MYOM2: variants seen among roughly 807,000 people sequenced by gnomAD.
The protein encoded by MYOM2 is myomesin-2.
MYOM2 carries 254 observed loss-of-function variants against 187.6 expected under a neutral mutation model. The ratio of observed to expected loss-of-function variants is 1.35; its 90% CI spans 1.22 to 1.50. The LOEUF is 1.50. Ranked by LOEUF, MYOM2 falls within the 40% of genes most tolerant of loss-of-function variation. The pLI, the probability that MYOM2 is intolerant of heterozygous loss-of-function variation, is 0.00. For missense variants in MYOM2, 2,796 were observed against 1,924.0 expected (o/e 1.45, Z -8.48); for synonymous variants, 981 against 753.8 (o/e 1.30, Z -4.94).
intron 4 of MYOM2, 22 bp downstream of exon 4, chr8:2,057,508 T>A (rs1477657892): frequency 1.2e-6 from 2 of 1,613,694 alleles, no homozygotes; most frequent in Non-Finnish European, 1.7e-6. Flanking sequence ...TCAGGGTGGC[T>A]GGGTGTCTGG....
At chr8:2,141,476 A>G (rs1443576845) in intron 34 of MYOM2, among the ~76,000 whole-genome samples, 1 of 152,242 alleles carries the variant, frequency 6.6e-6, no homozygotes, top group Non-Finnish European at 1.5e-5. Flanking sequence ...ACAGTCAAAG[A>G]CAGGTTTATT....
At chr8:2,103,159 C>T (rs536000007) in intron 21 of MYOM2, among the ~76,000 whole-genome samples, 37 of 140,776 alleles carry the variant, frequency 2.6e-4, no homozygotes, top group South Asian at 9.1e-4. Flanking sequence ...TGGGAGATTG[C>T]GCATGTATTG....
chr8:2,124,067 C>T (rs1797549963), intron 30 of MYOM2, 112 bp from the exon 31 acceptor site: 1 of 1,064,102 alleles, frequency 9.4e-7, no homozygotes, highest in Non-Finnish European at 1.4e-6. Flanking sequence ...TTTAATGATT[C>T]ATTTTTCAAC....
chr8:2,086,835 C>G (rs983407963), intron 14 of MYOM2, among the ~76,000 whole-genome samples: 2 of 152,188 alleles, frequency 1.3e-5, no homozygotes, highest in East Asian at 3.9e-4. Flanking sequence ...TCCTCGATGG[C>G]CATGCTTGTG....
At chr8:2,111,204 A>G (rs527377727) in intron 25 of MYOM2, among the ~76,000 whole-genome samples, 1 of 152,312 alleles carries the variant, frequency 6.6e-6, no homozygotes, top group South Asian at 2.1e-4. Flanking sequence ...ATATGGTTGT[A>G]CTATTTCACT....
intron 10 of MYOM2, among the ~76,000 whole-genome samples, chr8:2,075,262 T>G (rs1207142031): frequency 6.6e-6 from 1 of 152,140 alleles, no homozygotes; most frequent in Admixed American, 6.5e-5. Context: ...CCTTCCGTCT[T>G]CTGCATGTGC....
intron 6 of MYOM2, among the ~76,000 whole-genome samples, chr8:2,067,406 T>C (rs747085048): frequency 1.2e-4 from 18 of 152,186 alleles, no homozygotes; most frequent in African/African-American, 4.1e-4. Context: ...AATGCAATTT[T>C]GGAGTCACGT....
At chr8:2,108,895 T>C in intron 24 of MYOM2, 65 bp downstream of exon 24, 2 of 1,499,504 alleles carry the variant, frequency 1.3e-6, no homozygotes, top group Middle Eastern at 3.4e-4. Flanking sequence ...TGTTCATTAA[T>C]GCATGAGCTC....
rs370310140 is a variant in MYOM2 at position 2,072,504 on chromosome 8, G to A, written c.953G>A (p.Arg318His). 3.1e-5 allele frequency: 50 copies of A among 1,612,752 alleles called. 1 individual carries two copies. The Admixed American group carries it at 3.5e-4, about 11-fold the overall frequency. ...KRVQPRAEWYRDDVLLKESKW... is the reference protein window; with the variant it reads ...KRVQPRAEWYHDDVLLKESKW... Reference sequence around the variant, plus strand: ...GTGCAGCCGCGCGCCGAGTGGTACCGCGATGGTGAGTAGGACACGGCCCAG... The same window carrying A: ...GTGCAGCCGCGCGCCGAGTGGTACCACGATGGTGAGTAGGACACGGCCCAG... The change falls in exon 9 of 37, where the codon CGC becomes CAC. Residue 318 changes from arginine to histidine, a missense_variant. Physicochemically the swap from Arg to His is conservative, Grantham distance 29. Transcript: ENST00000262113.
chr8:2,085,518 C>CCCTACTGTTGTGATCT, intron 14 of MYOM2, 128 bp downstream of exon 14: 1 of 620,080 alleles, frequency 1.6e-6, no homozygotes, highest in Non-Finnish European at 2.3e-6. Context: ...CCGCGTGGCC[C>CCCTACTGTTGTGATCT]CCCACTGTTG....
intron 6 of MYOM2, among the ~76,000 whole-genome samples, chr8:2,059,636 G>T (rs946495865): frequency 2.0e-5 from 3 of 151,876 alleles, no homozygotes; most frequent in Non-Finnish European, 4.4e-5. Context: ...AAAAGTATAT[G>T]AAATGTAGAC....
chr8:2,054,374 G>A (rs952326864), intron 3 of MYOM2, among the ~76,000 whole-genome samples: 1 of 152,154 alleles, frequency 6.6e-6, no homozygotes, highest in Non-Finnish European at 1.5e-5. Flanking sequence ...ATGTCCCTCT[G>A]ACATCTTCCT....
At chr8:2,079,758 C>A in intron 13 of MYOM2, 145 bp downstream of exon 13, 1 of 861,032 alleles carries the variant, frequency 1.2e-6, no homozygotes. Flanking sequence ...GCCTGCAAGC[C>A]CAGTGTCCAT....
At chr8:2,100,016 C>G (rs1348934637) in intron 19 of MYOM2, among the ~76,000 whole-genome samples, 2 of 103,526 alleles carry the variant, frequency 1.9e-5, no homozygotes, top group African/African-American at 6.0e-5. Context: ...TCCTTCCTTT[C>G]TTTCCTTCCT....
At chr8:2,054,074 G>A (rs1424737751) in intron 3 of MYOM2, among the ~76,000 whole-genome samples, 1 of 152,130 alleles carries the variant, frequency 6.6e-6, no homozygotes, top group Non-Finnish European at 1.5e-5. Flanking sequence ...ATGGATTCCA[G>A]CCCTTATTAG....
chr8:2,062,748 C>G (rs1314374337), intron 6 of MYOM2, among the ~76,000 whole-genome samples: 2 of 152,140 alleles, frequency 1.3e-5, no homozygotes, highest in Non-Finnish European at 2.9e-5. Flanking sequence ...GCTTTCTACC[C>G]TGTGTGTGCT....
rs758780411 is a variant in MYOM2 at position 2,057,445 on chromosome 8, C to G, written c.361C>G (p.Gln121Glu). 2 of 1,614,022 alleles carry G rather than the reference C, an allele frequency of 1.2e-6. No individual in the cohort carries two copies. Among genetic ancestry groups the G allele is most frequent in the Non-Finnish European group, 8.5e-7 (1 of 1,179,984 alleles). The change falls in exon 4 of 37, where the codon CAG (glutamine) becomes GAG (glutamate). Residue 121 changes from glutamine (Q) to glutamate (E), a missense_variant. Physicochemically the swap from Gln to Glu is conservative, Grantham distance 29. Coordinates refer to ENST00000262113, the MANE Select transcript of MYOM2 (RefSeq NM_003970.4). Reference protein sequence around the residue: ...LEEDVHLARSQARDKLDKYAI... With the variant: ...LEEDVHLARSEARDKLDKYAI... The stretch of plus-strand genomic sequence containing the variant: ...GGAGGATGTCCACCTGGCACGCTCC[C>G]AGGCCCGCGACAAGCTGGACAAATA...
At chr8:2,113,096 G>C (rs548283056) in intron 25 of MYOM2, among the ~76,000 whole-genome samples, 2 of 152,362 alleles carry the variant, frequency 1.3e-5, no homozygotes, top group African/African-American at 4.8e-5. Context: ...ATTGACAGCA[G>C]CTGAGACTAC....
Position 2,106,417 on chromosome 8 carries a change from T to G in MYOM2, c.2891+19T>G. ...GGGATCAGTAAGTGAGGCCTGGAAG[T>G]TGGATACTGGAAACTTTTAGAAGTT... On this transcript the variant is annotated intron_variant, in intron 22 of 36. Transcript: ENST00000262113. 1 of 1,612,476 alleles carries G rather than the reference T, an allele frequency of 6.2e-7. No individual in the cohort carries two copies. Among genetic ancestry groups the G allele is most frequent in the East Asian group, 2.2e-5 (1 of 44,856 alleles).
Sources: allele counts gnomAD v4.1 joint callset (sites outside exome capture counted in the v4.1 genomes callset), GRCh38; gene constraint gnomAD v4.1.1; transcripts MANE v1.5; gene names NCBI Gene and HGNC (gene_info 2026-07-23, HGNC 2026-07-21).